Variants in PRDX2 observed in about 807,000 individuals in gnomAD.
The protein encoded by PRDX2 is peroxiredoxin 2.
Under a neutral mutation model 19.8 loss-of-function variants are expected in PRDX2, and 10 were observed. The ratio of observed to expected loss-of-function variants is 0.50; its 90% confidence interval spans 0.31 to 0.86. PRDX2 has a LOEUF of 0.86. PRDX2 is among the 40% of genes least tolerant of loss of function. The pLI is 0.04. For missense variants in PRDX2, 226 were observed against 260.1 expected (o/e 0.87, Z 0.90); for synonymous variants, 118 against 108.2 (o/e 1.09, Z -0.56).
At chr19:12,797,411 C>T (rs1300939618) in intron 5 of PRDX2, among the ~76,000 whole-genome samples, 1 of 151,564 alleles carries the variant, frequency 6.6e-6, no homozygotes, top group African/African-American at 2.4e-5. Context: ...GCAACCTCTC[C>T]CTCCTGGGTT....
chr19:12,801,674 A>C (rs906546267), intron 1 of PRDX2, 66 bp downstream of exon 1: 1 of 319,480 alleles, frequency 3.1e-6, no homozygotes, highest in Non-Finnish European at 5.8e-6. Flanking sequence ...CCAGCACTAA[A>C]GTCAGGATCG....
Position 12,801,273 on chromosome 19 carries a change from G to A in PRDX2, c.-9-3C>T, listed in dbSNP as rs1282123614. On this transcript the variant is annotated splice_polypyrimidine_tract_variant and splice_region_variant and intron_variant, in intron 1 of 5. Coordinates refer to ENST00000301522, the MANE Select transcript of PRDX2 (RefSeq NM_005809.6). ...TTACCGGAGGCCATGACTGAAAGCT[G>A]AGACCCCCGCCCGGTCAGTGCGCCC... 6.2e-7 allele frequency: 1 copy of A among 1,606,908 alleles called. No homozygotes were observed.
intron 3 of PRDX2, 99 bp downstream of exon 3, chr19:12,800,808 ATGGGGAAAC>A (rs1310842706): frequency 6.5e-7 from 1 of 1,549,332 alleles, no homozygotes; most frequent in Non-Finnish European, 8.7e-7. Flanking sequence ...TATTTTCACG[ATGGGGAAAC>A]GCAGGTTCCA....
Position 12,800,919 on chromosome 19 carries a change from G to C in PRDX2, c.254C>G (p.Ala85Gly). 6.2e-7 allele frequency: 1 copy of C among 1,609,332 alleles called. No individual in the cohort carries two copies. Among genetic ancestry groups the C allele is most frequent in the South Asian group, 1.1e-5 (1 of 90,268 alleles). Residue 85 changes from alanine to glycine, a missense_variant, in exon 3 of 6, where the codon GCT becomes GGT. Coordinates refer to ENST00000301522, the MANE Select transcript of PRDX2 (RefSeq NM_005809.6). Reference protein sequence around the residue: ...VSVDSQFTHLAWINTPRKEGG... With the variant: ...VSVDSQFTHLGWINTPRKEGG... ...CCTCTTTGGCCCCTGCTCATACCAAGCCAGGTGGGTGAACTGAGAGTCCAC... is the reference window on the plus strand; with the variant it reads ...CCTCTTTGGCCCCTGCTCATACCAACCCAGGTGGGTGAACTGAGAGTCCAC...
At chr19:12,798,221 A>G (rs1968828676) in intron 5 of PRDX2, among the ~76,000 whole-genome samples, 1 of 150,840 alleles carries the variant, frequency 6.6e-6, no homozygotes, top group South Asian at 2.1e-4. Context: ...ATTTTTTTGT[A>G]TTTTTAGTAG....
chr19:12,799,700 C>T, intron 5 of PRDX2, 159 bp downstream of exon 5: 1 of 1,027,548 alleles, frequency 9.7e-7, no homozygotes, highest in East Asian at 2.7e-5. Context: ...TTATTTGTCT[C>T]CTACCACATT....
At chr19:12,800,656 C>T in intron 3 of PRDX2, 1 of 1,414,166 alleles carries the variant, frequency 7.1e-7, no homozygotes, top group Non-Finnish European at 9.3e-7. Flanking sequence ...TAGGGCAGCA[C>T]AGCCTCCCTC....
At position 12,797,085 on chromosome 19, in the gene PRDX2, T is replaced by G. The variant is rs1353781178; in HGVS notation, c.593A>C (p.Asn198Thr). The G allele has an allele frequency of 6.2e-7, 1 of 1,614,040 alleles. No individual in the cohort carries two copies. Among genetic ancestry groups the G allele is most frequent in the Non-Finnish European group, 8.5e-7 (1 of 1,180,010 alleles). The change falls in exon 6 of 6, where the codon AAT becomes ACT. Residue 198 changes from asparagine (N) to threonine (T), a missense_variant. Coordinates refer to ENST00000301522, the MANE Select transcript of PRDX2 (RefSeq NM_005809.6). ...DDSKEYFSKH[N>T] ...GCTCACTATCCGTTAGCCAGCCTAA[T>G]TGTGTTTGGAGAAATATTCCTTGCT...
intron 5 of PRDX2, among the ~76,000 whole-genome samples, chr19:12,798,189 C>T (rs561233715): frequency 3.9e-4 from 59 of 149,822 alleles, no homozygotes; most frequent in Middle Eastern, 3.5e-3. Context: ...GGACTACAGG[C>T]GCCCGCCACC....
chr19:12,801,137 G>A (rs531170478), intron 2 of PRDX2, 22 bp downstream of exon 2: 1 of 1,613,864 alleles, frequency 6.2e-7, no homozygotes, highest in South Asian at 1.1e-5. Context: ...TTCTACCTGG[G>A]CCCCCTCCGG....
In PRDX2 at chr19:12,801,086, C is replaced by T; in HGVS notation, c.104-17G>A. 2 of 1,612,162 alleles carry T rather than the reference C, an allele frequency of 1.2e-6. No homozygotes were observed. Among genetic ancestry groups the T allele is most frequent in the Non-Finnish European group, 1.7e-6 (2 of 1,178,626 alleles). Reference sequence around the variant, plus strand: ...CGTACTTCCCTGGGGAGGAGGGACACAGAGGAGTTAGGGCCCAGCTTCTCT... The same window carrying T: ...CGTACTTCCCTGGGGAGGAGGGACATAGAGGAGTTAGGGCCCAGCTTCTCT... On this transcript the variant is annotated splice_polypyrimidine_tract_variant and intron_variant, in intron 2 of 5. Transcript: ENST00000301522.
chr19:12,801,354 C>T lies in PRDX2; in HGVS notation c.-9-84G>A, dbSNP rs1046917472. 1.4e-5 allele frequency: 19 copies of T among 1,387,846 alleles called. No individual in the cohort carries two copies. The African/African-American group carries it at 2.6e-4, about 19-fold the overall frequency. 86.0% of individuals were successfully genotyped at this position (1,387,846 alleles called of 1,614,324 possible). On this transcript the variant is annotated intron_variant, in intron 1 of 5. Transcript: ENST00000301522. The stretch of plus-strand genomic sequence containing the variant: ...TCGCGCTGCGTGCTGGGCCCTATGA[C>T]TGAGTCAGCACGGCGGAGGCGACAG...
intron 3 of PRDX2, chr19:12,800,704 T>C: frequency 6.8e-7 from 1 of 1,470,000 alleles, no homozygotes. Flanking sequence ...GAGTTGCATC[T>C]GAGTTGCATC....
At chr19:12,798,437 C>T (rs978988771) in intron 5 of PRDX2, among the ~76,000 whole-genome samples, 2 of 151,834 alleles carry the variant, frequency 1.3e-5, no homozygotes, top group Admixed American at 1.3e-4. Context: ...CTGCAACCTC[C>T]GCCTCTCAGC....
intron 5 of PRDX2, among the ~76,000 whole-genome samples, chr19:12,798,502 C>G (rs369308293): frequency 1.3e-5 from 2 of 152,110 alleles, no homozygotes; most frequent in East Asian, 1.9e-4. Context: ...CAGGCATGCA[C>G]CACCAGGCTG....
chr19:12,800,355 T>G (rs1968869445), intron 3 of PRDX2, 56 bp from the exon 4 acceptor site: 2 of 1,577,804 alleles, frequency 1.3e-6, no homozygotes, highest in Non-Finnish European at 1.7e-6. Context: ...AGCAGGGTCC[T>G]CACCCTGTGG....
intron 5 of PRDX2, among the ~76,000 whole-genome samples, chr19:12,799,090 G>A (rs376706680): frequency 2.1e-4 from 32 of 151,932 alleles, no homozygotes; most frequent in East Asian, 1.9e-3. Flanking sequence ...TAGCAGAGAC[G>A]CGGTTTCACT....
intron 3 of PRDX2, chr19:12,800,668 T>C (rs974708108): frequency 7.0e-7 from 1 of 1,436,904 alleles, no homozygotes; most frequent in Non-Finnish European, 9.2e-7. Context: ...GCCTCCCTCC[T>C]GGGAACTAAG....
chr19:12,799,605 C>G (rs569833568), intron 5 of PRDX2: 1 of 329,848 alleles, frequency 3.0e-6, no homozygotes. Flanking sequence ...GGTGATCCAC[C>G]TGCCACAGCT....
Sources: allele counts gnomAD v4.1 joint callset (sites outside exome capture counted in the v4.1 genomes callset), GRCh38; gene constraint gnomAD v4.1.1; transcripts MANE v1.5; gene names NCBI Gene and HGNC (gene_info 2026-07-23, HGNC 2026-07-21).